CCDC88C: variants seen among roughly 807,000 people sequenced by gnomAD.
The protein encoded by CCDC88C is protein Daple.
A neutral mutation model predicts 198.8 loss-of-function variants in CCDC88C; 131 were observed. That is an observed-to-expected ratio of 0.66 (90% CI 0.57 to 0.76). CCDC88C has a LOEUF of 0.76. Among genes scored for constraint, CCDC88C ranks in the 30% least tolerant of loss-of-function variants. The pLI, the probability that CCDC88C is intolerant of heterozygous loss-of-function variation, is 0.00. For synonymous variants in CCDC88C, 1,166 were observed against 1,114.7 expected (o/e 1.05, Z -0.92); for missense variants, 2,553 against 2,631.6 (o/e 0.97, Z 0.65).
rs1596017839 is a variant in CCDC88C at position 91,281,518 on chromosome 14, G to A, written c.4638C>T (p.Asn1546=). The A allele has an allele frequency of 5.0e-6, 8 of 1,613,882 alleles. No individual in the cohort carries two copies. Among genetic ancestry groups the A allele is most frequent in the Non-Finnish European group, 6.8e-6 (8 of 1,179,786 alleles). The stretch of plus-strand genomic sequence containing the variant: ...ATGGCTCACAGAGGTTGTCATCTGA[G>A]TTATAGCCTAAGGTGAAAATAAGGC... ...ARHPGRTKGY[N]SDDNLCEPSL... is the part of the protein sequence containing the mutation. The change falls in exon 27 of 30, where the codon AAC becomes AAT. Residue 1546 remains asparagine (N), a synonymous_variant. Coordinates refer to ENST00000389857, the MANE Select transcript of CCDC88C (RefSeq NM_001080414.4).
At chr14:91,402,946 G>T (rs28712638) in intron 3 of CCDC88C, among the ~76,000 whole-genome samples, 333 of 152,332 alleles carry the variant, frequency 2.2e-3, no homozygotes, top group African/African-American at 7.3e-3. Context: ...GAGGCCAGAA[G>T]TCAGAGAGCC....
At chr14:91,340,604 C>T (rs927464521) in intron 6 of CCDC88C, among the ~76,000 whole-genome samples, 4 of 152,118 alleles carry the variant, frequency 2.6e-5, no homozygotes, top group Admixed American at 1.3e-4. Context: ...GTGAAACAGC[C>T]TCTCGACGCA....
intron 13 of CCDC88C, 61 bp from the exon 14 acceptor site, chr14:91,315,848 TAAAAC>T: frequency 6.4e-7 from 1 of 1,561,126 alleles, no homozygotes; most frequent in Non-Finnish European, 8.7e-7. Context: ...AACCATGATT[TAAAAC>T]AAAACAGAAA....
intron 25 of CCDC88C, among the ~76,000 whole-genome samples, chr14:91,286,791 A>C (rs1890426889): frequency 6.6e-6 from 1 of 152,200 alleles, no homozygotes; most frequent in South Asian, 2.1e-4. Context: ...TGCAGTTAAG[A>C]GCTCAGGCTC....
intron 12 of CCDC88C, among the ~76,000 whole-genome samples, chr14:91,323,031 G>C (rs559210262): frequency 6.6e-6 from 1 of 151,034 alleles, no homozygotes; most frequent in Non-Finnish European, 1.5e-5. Flanking sequence ...TCAGCCTCCT[G>C]AGTAGCTGGG....
At chr14:91,380,789 G>A (rs1341654657) in intron 3 of CCDC88C, among the ~76,000 whole-genome samples, 1 of 152,138 alleles carries the variant, frequency 6.6e-6, no homozygotes, top group African/African-American at 2.4e-5. Flanking sequence ...GGGAGACCAT[G>A]GAGAGAGAAC....
In CCDC88C at chr14:91,313,403, C is replaced by T. The variant is rs769068111; in HGVS notation, c.2413G>A (p.Ala805Thr). Residue 805 changes from alanine to threonine, a missense_variant, in exon 15 of 30, where the codon GCC (alanine) becomes ACC (threonine). Ala to Thr is a moderately conservative substitution (Grantham distance 58). Transcript: ENST00000389857. This position sits in a 1 kb window ranked among gnomAD's most constrained non-coding sequence, Gnocchi z 5.2. ...AACTGTGCATTGGCCAGCCGGAGGG[C>T]CTCCAGGTCCCGCCGCAGCGCCTGG... ...ERQALRRDLE[A>T]LRLANAQLEG... 9.3e-6 allele frequency: 15 copies of T among 1,607,776 alleles called. No individual in the cohort carries two copies. The African/African-American group carries it at 1.5e-4, about 16-fold the overall frequency.
intron 3 of CCDC88C, among the ~76,000 whole-genome samples, chr14:91,386,585 A>G (rs79810056): frequency 0.16 from 25,081 of 152,192 alleles, 2,270 homozygotes; most frequent in Admixed American, 0.21. Context: ...CGCCACCCCA[A>G]TGTGCGACCC....
At chr14:91,280,031 A>G (rs1165732467) in intron 27 of CCDC88C, 1 of 152,250 alleles carries the variant, frequency 6.6e-6, no homozygotes, top group Admixed American at 6.5e-5. Context: ...GACTTTCAGG[A>G]AGGCTGGCAC....
Position 91,343,622 on chromosome 14 carries a change from G to C in CCDC88C, c.376C>G (p.Leu126Val). 6.2e-7 allele frequency: 1 copy of C among 1,613,620 alleles called. No individual in the cohort carries two copies. Among genetic ancestry groups the C allele is most frequent in the Non-Finnish European group, 8.5e-7 (1 of 1,179,768 alleles). ...ACCTGGACAGCACAGCCCAGCACCA[G>C]CAGCAGCACCTTCTTGATTTCCTCC... ...SMEEIKKVLL[L>V]VLGCAVQCER... Residue 126 changes from leucine to valine, a missense_variant, in exon 5 of 30, where the codon CTG (leucine) becomes GTG (valine). Transcript: ENST00000389857.
intron 10 of CCDC88C, among the ~76,000 whole-genome samples, chr14:91,336,192 A>C (rs756718193): frequency 6.6e-5 from 10 of 152,320 alleles, no homozygotes; most frequent in Admixed American, 4.6e-4. Flanking sequence ...AACCTCTCTA[A>C]AACTCCAAGA....
chr14:91,343,312 G>A (rs1029349275), intron 5 of CCDC88C, among the ~76,000 whole-genome samples: 5 of 152,174 alleles, frequency 3.3e-5, no homozygotes, highest in Admixed American at 6.5e-5. Context: ...CCCACAAGCT[G>A]TAGTTTGCAG....
chr14:91,337,981 G>C, intron 10 of CCDC88C, 24 bp downstream of exon 10: 1 of 1,606,528 alleles, frequency 6.2e-7, no homozygotes, highest in Non-Finnish European at 8.5e-7. Flanking sequence ...CCCCATCCAG[G>C]GGCCTCACAG....
In CCDC88C at chr14:91,297,416, T is replaced by C. The variant is rs767431160; in HGVS notation, c.3855A>G (p.Ser1285=). 3 of 1,609,764 alleles carry C rather than the reference T, an allele frequency of 1.9e-6. No homozygotes were observed. The highest frequency in any genetic ancestry group is 2.5e-6 in the Non-Finnish European group (3 of 1,178,084). The change falls in exon 22 of 30, where the codon TCA becomes TCG. Residue 1285 remains serine, a synonymous_variant. Transcript: ENST00000389857. ...TGAGCTCCAGCTGCGCGTTGTTCAG[T>C]GAGGTTTTCAGCTCCTTGGTGTGGG... ...LHAHTKELKT[S]LNNAQLELNR... is the part of the protein sequence containing the mutation.
chr14:91,313,446 G>A lies in CCDC88C; in HGVS notation c.2370C>T (p.Gly790=), dbSNP rs200603686. ...GCGCCTGGCGCTCAGCCTCCAGCTCGCCCAGCTCACTCTCCAAGGTCTGCG... is the reference window on the plus strand; with the variant it reads ...GCGCCTGGCGCTCAGCCTCCAGCTCACCCAGCTCACTCTCCAAGGTCTGCG... ...HKTQTLESEL[G]ELEAERQALR... Residue 790 remains glycine (G), a synonymous_variant, in exon 15 of 30, where the codon GGC becomes GGT. Transcript: ENST00000389857. The surrounding 1 kb of genome is among the most constrained non-coding windows in gnomAD (Gnocchi z 5.2). 1.0e-4 allele frequency: 168 copies of A among 1,607,292 alleles called. No homozygotes were observed. In the African/African-American group the frequency reaches 1.7e-3, roughly 16 times the overall value.
chr14:91,311,716 T>TGG (rs1344980041), intron 15 of CCDC88C, among the ~76,000 whole-genome samples: 3 of 152,214 alleles, frequency 2.0e-5, no homozygotes, highest in African/African-American at 7.2e-5. Context: ...CACCCCAGCA[T>TGG]ACTAAACAAA....
At chr14:91,355,900 T>C (rs955236779) in intron 4 of CCDC88C, among the ~76,000 whole-genome samples, 7 of 152,142 alleles carry the variant, frequency 4.6e-5, no homozygotes, top group African/African-American at 1.7e-4. Flanking sequence ...ATCTGGAATC[T>C]GGGAGCTTGT....
chr14:91,339,861 G>A lies in CCDC88C; in HGVS notation c.624+23C>T, dbSNP rs1160845402. The A allele has an allele frequency of 1.3e-5, 20 of 1,565,850 alleles. No homozygotes were observed. The highest frequency in any genetic ancestry group is 1.4e-5 in the Non-Finnish European group (16 of 1,155,028). On this transcript the variant is annotated intron_variant, in intron 7 of 29. Coordinates refer to ENST00000389857, the MANE Select transcript of CCDC88C (RefSeq NM_001080414.4). This position sits in a 1 kb window ranked among gnomAD's most constrained non-coding sequence, Gnocchi z 5.8. Reference sequence around the variant, plus strand: ...GCCTAAGCCCCTTCCCAGGCTGACCGGGCCACCGACCCGCGGACGCACCTC... The same window carrying A: ...GCCTAAGCCCCTTCCCAGGCTGACCAGGCCACCGACCCGCGGACGCACCTC...
chr14:91,371,032 T>TC lies in CCDC88C; in HGVS notation c.271-11322dup, dbSNP rs981331027. On this transcript the variant is annotated intron_variant, in intron 3 of 29. Coordinates refer to ENST00000389857, the MANE Select transcript of CCDC88C (RefSeq NM_001080414.4). This position sits in a 1 kb window ranked among gnomAD's most constrained non-coding sequence, Gnocchi z 4.2. ...GTGTTTGGGGTGAGGCAGAAGGACT[T>TC]CAAGGATTAGGCTAAGGATGGAGAG... is the stretch of plus-strand genomic sequence containing the variant. 2.6e-5 allele frequency among the ~76,000 whole-genome samples: 4 copies of TC among 152,126 alleles called. No individual in the cohort carries two copies. Among genetic ancestry groups the TC allele is most frequent in the Admixed American group, 1.3e-4 (2 of 15,274 alleles).
Sources: allele counts gnomAD v4.1 joint callset (sites outside exome capture counted in the v4.1 genomes callset), GRCh38; gene constraint gnomAD v4.1.1; non-coding constraint Gnocchi (gnomAD v3.1); transcripts MANE v1.5; gene names NCBI Gene and HGNC (gene_info 2026-07-23, HGNC 2026-07-21).